TRERF1: variants seen among roughly 807,000 people sequenced by gnomAD.
TRERF1 encodes transcriptional regulating factor 1.
In TRERF1, 27 loss-of-function variants were observed where a neutral mutation model predicts 122.9. That is an observed-to-expected ratio of 0.22 (90% CI 0.16 to 0.30). TRERF1 has a LOEUF of 0.30. TRERF1 is among the 10% of genes least tolerant of loss of function. TRERF1 has a pLI of 1.00. For missense variants in TRERF1, 1,248 were observed against 1,560.3 expected (o/e 0.80, Z 3.37); for synonymous variants, 636 against 641.7 (o/e 0.99, Z 0.13).
chr6:42,250,449 T>C (rs926231018), intron 13 of TRERF1, among the ~76,000 whole-genome samples: 8 of 152,184 alleles, frequency 5.3e-5, no homozygotes, highest in African/African-American at 1.2e-4. Context: ...TGGAGTCTGA[T>C]AGGGACACGT....
chr6:42,272,445 A>G (rs1780395579), intron 4 of TRERF1, among the ~76,000 whole-genome samples: 1 of 152,202 alleles, frequency 6.6e-6, no homozygotes, highest in Admixed American at 6.5e-5. Context: ...GAGACTAATG[A>G]ACCTCGCTGC....
intron 2 of TRERF1, among the ~76,000 whole-genome samples, chr6:42,371,278 T>TA (rs1327269957): frequency 6.6e-6 from 1 of 152,084 alleles, no homozygotes; most frequent in East Asian, 1.9e-4. Context: ...TAAGGAAACT[T>TA]ACCAAAATTC....
Position 42,263,153 on chromosome 6 carries a change from C to G in TRERF1, c.1884+167G>C. ...TGGCCACGGGTTCAGCCCTGAGAGA[C>G]CAAGCCGTATCCAAGCTCAGGTCAG... On this transcript the variant is annotated intron_variant, in intron 8 of 17. Coordinates refer to ENST00000372922, the Ensembl canonical transcript of TRERF1. The surrounding 1 kb of genome is among the most constrained non-coding windows in gnomAD (Gnocchi z 5.6). 7.2e-7 allele frequency: 1 copy of G among 1,385,056 alleles called. No individual in the cohort carries two copies. Among genetic ancestry groups the G allele is most frequent in the South Asian group, 1.8e-5 (1 of 54,502 alleles). 85.8% of individuals were successfully genotyped at this position (1,385,056 alleles called of 1,614,324 possible).
intron 3 of TRERF1, among the ~76,000 whole-genome samples, chr6:42,328,687 CTGAAGGTT>C (rs1764731551): frequency 6.6e-6 from 1 of 152,178 alleles, no homozygotes; most frequent in Admixed American, 6.5e-5. Flanking sequence ...AAGGGCCACT[CTGAAGGTT>C]TGTTCAGAGC....
At chr6:42,301,906 A>G (rs559274707) in intron 3 of TRERF1, among the ~76,000 whole-genome samples, 1 of 152,334 alleles carries the variant, frequency 6.6e-6, no homozygotes, top group Non-Finnish European at 1.5e-5. Context: ...GGACTATAAA[A>G]AGTTAGTTCA....
intron 2 of TRERF1, among the ~76,000 whole-genome samples, chr6:42,439,276 C>A (rs949009136): frequency 1.3e-5 from 2 of 152,132 alleles, no homozygotes; most frequent in Non-Finnish European, 2.9e-5. Flanking sequence ...GTCAGGACTA[C>A]GCTCCGTAAC....
In TRERF1 at chr6:42,307,337, C is replaced by T. The variant is rs188848552; in HGVS notation, c.-370-6588G>A. On this transcript the variant is annotated intron_variant, in intron 3 of 17. Coordinates refer to ENST00000372922, the Ensembl canonical transcript of TRERF1. ...TCTGTCCCTTTATTCAGGTTTATCA[C>T]GTTCATCCTAAGGGCCACAGGATTA... Among the ~76,000 whole-genome samples, 450 of 152,278 alleles carry T rather than the reference C, an allele frequency of 3.0e-3. 2 individuals carry two copies. The highest frequency in any genetic ancestry group is 0.01 in the African/African-American group (423 of 41,554).
At chr6:42,414,731 C>A (rs58574776) in intron 2 of TRERF1, among the ~76,000 whole-genome samples, 13,644 of 152,262 alleles carry the variant, frequency 0.09, 744 homozygotes, top group African/African-American at 0.15. Context: ...ATCTTCTATT[C>A]TTTTGTTTCA....
intron 2 of TRERF1, among the ~76,000 whole-genome samples, chr6:42,411,674 A>G (rs1781113992): frequency 1.3e-5 from 2 of 152,184 alleles, no homozygotes; most frequent in African/African-American, 4.8e-5. Flanking sequence ...GAAATAAGCC[A>G]AGGAGCTGCC....
intron 3 of TRERF1, among the ~76,000 whole-genome samples, chr6:42,329,938 G>A (rs9367141): frequency 0.18 from 27,468 of 151,948 alleles, 3,196 homozygotes; most frequent in Middle Eastern, 0.3. Flanking sequence ...GCAGTGAGCC[G>A]AGATTGTACC....
At chr6:42,244,041 G>T (rs1349142454) in intron 14 of TRERF1, among the ~76,000 whole-genome samples, 2 of 151,614 alleles carry the variant, frequency 1.3e-5, no homozygotes, top group Non-Finnish European at 2.9e-5. Context: ...ACCGCACCTG[G>T]CTCATTTTTT....
intron 3 of TRERF1, among the ~76,000 whole-genome samples, chr6:42,354,377 G>C (rs1422626720): frequency 1.5e-5 from 2 of 132,678 alleles, no homozygotes; most frequent in Non-Finnish European, 3.0e-5. Context: ...TCCCCAGTCT[G>C]TTGTTTCCCT....
At chr6:42,243,214 C>G in intron 15 of TRERF1, 34 bp downstream of exon 15, 1 of 1,578,950 alleles carries the variant, frequency 6.3e-7, no homozygotes, top group Non-Finnish European at 8.7e-7. Context: ...GGGAGCTGTC[C>G]CAGCACAAGC....
chr6:42,354,272 T>A (rs955370439), intron 3 of TRERF1, among the ~76,000 whole-genome samples: 5 of 152,234 alleles, frequency 3.3e-5, no homozygotes, highest in Admixed American at 6.5e-5. Flanking sequence ...TATTTAGTTA[T>A]CTACTCAAGT....
intron 2 of TRERF1, among the ~76,000 whole-genome samples, chr6:42,438,518 G>C (rs1785879942): frequency 6.6e-6 from 1 of 151,484 alleles, no homozygotes; most frequent in African/African-American, 2.4e-5. Flanking sequence ...GCTGAGGCAG[G>C]AGAATTGCTT....
At chr6:42,390,176 G>A (rs1777480697) in intron 2 of TRERF1, among the ~76,000 whole-genome samples, 1 of 152,234 alleles carries the variant, frequency 6.6e-6, no homozygotes, top group Admixed American at 6.5e-5. Flanking sequence ...AGCTAATCTA[G>A]TCCTACAAAC....
intron 4 of TRERF1, among the ~76,000 whole-genome samples, chr6:42,290,736 CTTTCCTTTTT>C (rs1561922581): frequency 8.3e-6 from 1 of 120,038 alleles, no homozygotes; most frequent in Non-Finnish European, 1.7e-5. Flanking sequence ...TTTTCCATTT[CTTTCCTTTTT>C]TTTTTTTTTT....
chr6:42,341,298 GC>G (rs921411709), intron 3 of TRERF1, among the ~76,000 whole-genome samples: 4 of 152,164 alleles, frequency 2.6e-5, no homozygotes, highest in Non-Finnish European at 4.4e-5. Context: ...GAAGTTTCTG[GC>G]CCAAACAAGA....
intron 3 of TRERF1, among the ~76,000 whole-genome samples, chr6:42,353,246 T>C (rs1206112233): frequency 6.6e-6 from 1 of 151,666 alleles, no homozygotes; most frequent in Non-Finnish European, 1.5e-5. Flanking sequence ...ATTAAACAAG[T>C]ATGCAAAGTA....
Sources: gnomAD v4.1 joint callset for allele counts (sites outside exome capture counted in the v4.1 genomes callset) on GRCh38, gnomAD v4.1.1 for gene constraint, Gnocchi (gnomAD v3.1) non-coding constraint, MANE v1.5 for transcripts, NCBI Gene and HGNC (gene_info 2026-07-23, HGNC 2026-07-21) for gene names.